PPA2: variants seen among roughly 807,000 people sequenced by gnomAD.
The protein encoded by PPA2 is inorganic pyrophosphatase 2, mitochondrial.
In PPA2, 48 loss-of-function variants were observed where a neutral mutation model predicts 49.5. That is an observed-to-expected ratio of 0.97 (90% CI 0.77 to 1.23). PPA2 has a LOEUF of 1.23. PPA2 is among the 50% of genes most tolerant of loss of function. PPA2 has a pLI of 0.00. For synonymous variants in PPA2, 131 were observed against 139.9 expected, an observed-to-expected ratio of 0.94 and a Z score of 0.45; for missense variants, 429 against 410.1, an observed-to-expected ratio of 1.05 and a Z score of -0.40.
chr4:105,393,101 A>G (rs973495026), intron 9 of PPA2, among the ~76,000 whole-genome samples: 1 of 152,332 alleles, frequency 6.6e-6, no homozygotes, highest in East Asian at 1.9e-4. Flanking sequence ...TTGTTGTAAC[A>G]TGAAATAGGA....
intron 7 of PPA2, among the ~76,000 whole-genome samples, chr4:105,401,898 T>G (rs1384980960): frequency 2.6e-5 from 4 of 152,164 alleles, no homozygotes; most frequent in African/African-American, 9.7e-5. Context: ...AGCCCACACT[T>G]CTATTTCCAT....
chr4:105,372,297 G>A (rs941657948), intron 10 of PPA2, among the ~76,000 whole-genome samples: 10 of 152,150 alleles, frequency 6.6e-5, no homozygotes, highest in African/African-American at 1.9e-4. Context: ...CTTGCCCTAC[G>A]GTGAGATATG....
At chr4:105,468,153 C>T (rs1257066466) in intron 1 of PPA2, among the ~76,000 whole-genome samples, 1 of 152,158 alleles carries the variant, frequency 6.6e-6, no homozygotes, top group Non-Finnish European at 1.5e-5. Context: ...CTGTATGTTA[C>T]AATGGCAGAG....
chr4:105,463,021 G>A (rs753312485), intron 1 of PPA2, among the ~76,000 whole-genome samples: 64 of 152,128 alleles, frequency 4.2e-4, no homozygotes, highest in African/African-American at 1.7e-4. Flanking sequence ...AGTAGAGTGC[G>A]GTGCTGCTGA....
At chr4:105,447,821 C>A (rs2110303041) in intron 4 of PPA2, among the ~76,000 whole-genome samples, 1 of 151,648 alleles carries the variant, frequency 6.6e-6, no homozygotes, top group Admixed American at 6.6e-5. Context: ...GCAACCTCTG[C>A]CTCCTGGAAG....
chr4:105,372,326 G>A (rs1322688242), intron 10 of PPA2, among the ~76,000 whole-genome samples: 1 of 152,182 alleles, frequency 6.6e-6, no homozygotes, highest in Non-Finnish European at 1.5e-5. Flanking sequence ...TAACGGCCAA[G>A]TATGACCCTC....
At chr4:105,455,858 C>T (rs780870810) in intron 2 of PPA2, among the ~76,000 whole-genome samples, 5 of 152,146 alleles carry the variant, frequency 3.3e-5, no homozygotes, top group African/African-American at 9.7e-5. Context: ...CCCAAATTAA[C>T]GAGTTACATA....
In PPA2 at chr4:105,451,265, T is replaced by C. The variant is rs551301253; in HGVS notation, c.268-1862A>G. Among the ~76,000 whole-genome samples, 7 of 152,326 alleles carry C rather than the reference T, an allele frequency of 4.6e-5. No homozygotes were observed. In the South Asian group the frequency reaches 6.2e-4, roughly 14 times the overall value. On this transcript the variant is annotated intron_variant, in intron 3 of 11. Coordinates refer to ENST00000341695, the MANE Select transcript of PPA2 (RefSeq NM_176869.3). ...TTTTCTAGTGTAACATGGAATGCTG[T>C]TATTTCAAAGAATGCTATTTACACA...
intron 6 of PPA2, among the ~76,000 whole-genome samples, chr4:105,427,203 C>A (rs190825875): frequency 6.6e-6 from 1 of 152,166 alleles, no homozygotes; most frequent in Non-Finnish European, 1.5e-5. Flanking sequence ...AGGTCACCAA[C>A]ATCAAAGACC....
chr4:105,466,240 T>G (rs961761466), intron 1 of PPA2, among the ~76,000 whole-genome samples: 1 of 152,090 alleles, frequency 6.6e-6, no homozygotes, highest in African/African-American at 2.4e-5. Flanking sequence ...AATTCAAGTT[T>G]CTTGTTTTTC....
chr4:105,434,265 C>T (rs886070604), intron 6 of PPA2, among the ~76,000 whole-genome samples: 2 of 152,200 alleles, frequency 1.3e-5, no homozygotes, highest in African/African-American at 4.8e-5. Flanking sequence ...GGGTATGGCA[C>T]ATTGGACCAA....
intron 7 of PPA2, among the ~76,000 whole-genome samples, chr4:105,408,519 T>C (rs1429041880): frequency 6.6e-6 from 1 of 152,156 alleles, no homozygotes; most frequent in Non-Finnish European, 1.5e-5. Flanking sequence ...AAGCAAGATA[T>C]GATAGTTTAA....
At position 105,411,903 on chromosome 4, in the gene PPA2, A is replaced by G. The variant is rs542878104; in HGVS notation, c.655+12293T>C. Among the ~76,000 whole-genome samples the G allele has an allele frequency of 3.9e-5, 6 of 152,340 alleles. No individual in the cohort carries two copies. In the East Asian group the frequency reaches 1.2e-3, roughly 29 times the overall value. The stretch of plus-strand genomic sequence containing the variant: ...TACAAGGGATGTGAAGGACCTCTTC[A>G]AGGAGAACTATAAACCACTGCTCAA... On this transcript the variant is annotated intron_variant, in intron 7 of 11. Coordinates refer to ENST00000341695, the MANE Select transcript of PPA2 (RefSeq NM_176869.3).
In PPA2 at chr4:105,396,248, C is replaced by G; in HGVS notation, c.869+1G>C. On this transcript the variant is annotated splice_donor_variant, in intron 9 of 11. Transcript: ENST00000341695. LOFTEE classifies it high-confidence loss of function. ...CTTACATAGAAAAGACAAATTCTTA[C>G]CAATTTATAGCTCCTCCATTACACT... The G allele has an allele frequency of 6.5e-7, 1 of 1,546,996 alleles. No individual in the cohort carries two copies.
intron 6 of PPA2, among the ~76,000 whole-genome samples, chr4:105,436,875 GA>G (rs1249307786): frequency 6.6e-6 from 1 of 151,932 alleles, no homozygotes. Context: ...AATTCCTGAA[GA>G]AAATCTAGGA....
chr4:105,452,029 C>G (rs1722698900), intron 3 of PPA2, among the ~76,000 whole-genome samples: 1 of 152,212 alleles, frequency 6.6e-6, no homozygotes, highest in Non-Finnish European at 1.5e-5. Flanking sequence ...CTGTGAACTA[C>G]TCCTTCAGTC....
chr4:105,377,700 G>A (rs1187772279), intron 10 of PPA2, among the ~76,000 whole-genome samples: 7 of 152,056 alleles, frequency 4.6e-5, no homozygotes, highest in African/African-American at 1.7e-4. Flanking sequence ...TTATAAAAGA[G>A]ACTGTAAAAT....
At chr4:105,429,218 G>A (rs1050262888) in intron 6 of PPA2, among the ~76,000 whole-genome samples, 8 of 152,302 alleles carry the variant, frequency 5.3e-5, no homozygotes, top group African/African-American at 1.9e-4. Context: ...AGTTTGGCTA[G>A]AAGTGCATTA....
At chr4:105,406,167 A>C (rs530799435) in intron 7 of PPA2, among the ~76,000 whole-genome samples, 3 of 151,320 alleles carry the variant, frequency 2.0e-5, no homozygotes, top group Non-Finnish European at 4.4e-5. Context: ...AATCAGGTAG[A>C]TTTAACAGCA....
Sources: allele counts gnomAD v4.1 joint callset (sites outside exome capture counted in the v4.1 genomes callset), GRCh38; gene constraint gnomAD v4.1.1; transcripts MANE v1.5; gene names NCBI Gene and HGNC (gene_info 2026-07-23, HGNC 2026-07-21).